LDLRAD3: variants seen among roughly 807,000 people sequenced by gnomAD.
LDLRAD3 encodes the protein low density lipoprotein receptor class A domain containing 3.
In LDLRAD3, 20 loss-of-function variants were observed where a neutral mutation model predicts 29.4. That is an observed-to-expected ratio of 0.68 (90% confidence interval 0.48 to 0.99). The LOEUF (loss-of-function observed/expected upper bound fraction) is 0.99, where lower values mean the gene tolerates loss of function less well. Among genes scored for constraint, LDLRAD3 ranks in the 50% least tolerant of loss-of-function variants. LDLRAD3 has a pLI of 0.00. For missense variants in LDLRAD3, 420 were observed against 454.3 expected, an observed-to-expected ratio of 0.92 and a Z score of 0.69; for synonymous variants, 157 against 192.7, an observed-to-expected ratio of 0.81 and a Z score of 1.53.
chr11:36,122,533 G>C (rs1010263722), intron 4 of LDLRAD3, among the ~76,000 whole-genome samples: 1 of 152,076 alleles, frequency 6.6e-6, no homozygotes, highest in East Asian at 1.9e-4. Context: ...GCAATTATTC[G>C]TTCTGTGGTT....
rs1465522725 is a variant in LDLRAD3, at chr11:35,965,769, G to T, written c.46+21625G>T. On this transcript the variant is annotated intron_variant, in intron 1 of 5. Transcript: ENST00000315571. The stretch of plus-strand genomic sequence containing the variant: ...TCAGAGACACACTATTTTTTTTAAA[G>T]AATAGTGTGAGGGTTTATTCAATTT... Among the ~76,000 whole-genome samples the T allele has an allele frequency of 2.0e-5, 3 of 152,022 alleles. No individual in the cohort carries two copies. In the East Asian group the frequency reaches 5.8e-4, roughly 29 times the overall value.
chr11:36,100,100 G>T (rs1393112210), intron 4 of LDLRAD3, among the ~76,000 whole-genome samples: 1 of 151,984 alleles, frequency 6.6e-6, no homozygotes, highest in East Asian at 1.9e-4. Flanking sequence ...TTCAGGCCCC[G>T]TTCTAGATCA....
chr11:35,987,416 C>T (rs1851628580), intron 1 of LDLRAD3, among the ~76,000 whole-genome samples: 1 of 152,186 alleles, frequency 6.6e-6, no homozygotes, highest in South Asian at 2.1e-4. Flanking sequence ...CTCCCTTCCT[C>T]CTCTGTCTAG....
At chr11:36,048,026 A>G (rs1852476614) in intron 2 of LDLRAD3, among the ~76,000 whole-genome samples, 1 of 126,922 alleles carries the variant, frequency 7.9e-6, no homozygotes, top group African/African-American at 3.2e-5. Flanking sequence ...GCAGGCACTT[A>G]ATACGATACA....
intron 2 of LDLRAD3, among the ~76,000 whole-genome samples, chr11:36,080,161 G>C (rs921374069): frequency 6.6e-5 from 10 of 152,270 alleles, no homozygotes; most frequent in Admixed American, 5.9e-4. Flanking sequence ...CTTCCTTCTT[G>C]GAGGACCATG....
chr11:36,072,021 A>G (rs1181026747), intron 2 of LDLRAD3, among the ~76,000 whole-genome samples: 1 of 152,202 alleles, frequency 6.6e-6, no homozygotes, highest in African/African-American at 2.4e-5. Context: ...ACTTTTTCAC[A>G]GTGAGCTATG....
At chr11:36,045,142 G>C (rs577390879) in intron 2 of LDLRAD3, among the ~76,000 whole-genome samples, 1 of 152,322 alleles carries the variant, frequency 6.6e-6, no homozygotes, top group South Asian at 2.1e-4. Context: ...CAGTTCAGAT[G>C]TTGGAATCAC....
chr11:36,034,029 G>A (rs1357642542), intron 1 of LDLRAD3, among the ~76,000 whole-genome samples: 1 of 152,182 alleles, frequency 6.6e-6, no homozygotes, highest in Admixed American at 6.5e-5. Flanking sequence ...TCTGGGCTAC[G>A]TCTTCCTGCA....
At chr11:35,993,287 A>G (rs971054612) in intron 1 of LDLRAD3, among the ~76,000 whole-genome samples, 3 of 152,214 alleles carry the variant, frequency 2.0e-5, no homozygotes, top group Non-Finnish European at 4.4e-5. Flanking sequence ...ACCTTCACCT[A>G]TAGTGTGAAT....
chr11:36,036,093 T>C lies in LDLRAD3; in HGVS notation c.47-10T>C. ...GCTGTGCCGTCTGACCTGTCCCCTC[T>C]CTCTGACAGAGAGCCAGCTGCTCCC... On this transcript the variant is annotated splice_polypyrimidine_tract_variant and intron_variant, in intron 1 of 5. Transcript: ENST00000315571. The C allele has an allele frequency of 6.2e-7, 1 of 1,613,238 alleles. No homozygotes were observed. Among genetic ancestry groups the C allele is most frequent in the Non-Finnish European group, 8.5e-7 (1 of 1,179,480 alleles).
intron 2 of LDLRAD3, among the ~76,000 whole-genome samples, chr11:36,038,975 T>TTTC (rs1852343266): frequency 1.3e-5 from 1 of 76,628 alleles, no homozygotes; most frequent in Non-Finnish European, 4.0e-5. Context: ...TTCTTTCTTT[T>TTTC]TTTTTTTTTT....
chr11:36,082,317 TAGGCAACA>T (rs887155951), intron 3 of LDLRAD3, among the ~76,000 whole-genome samples: 2 of 152,166 alleles, frequency 1.3e-5, no homozygotes, highest in African/African-American at 4.8e-5. Context: ...AAGACCAGCC[TAGGCAACA>T]AGGTAAAACC....
intron 1 of LDLRAD3, among the ~76,000 whole-genome samples, chr11:35,948,298 G>A (rs1411749039): frequency 1.3e-5 from 2 of 152,116 alleles, no homozygotes; most frequent in Admixed American, 6.5e-5. Flanking sequence ...TGGTTGTTGG[G>A]TTTTCTTGTT....
chr11:35,960,650 G>GCAGT (rs1851264621), intron 1 of LDLRAD3, among the ~76,000 whole-genome samples: 1 of 152,192 alleles, frequency 6.6e-6, no homozygotes, highest in Non-Finnish European at 1.5e-5. Flanking sequence ...AGGCTGGAGT[G>GCAGT]CAGTGGCGCG....
intron 4 of LDLRAD3, among the ~76,000 whole-genome samples, chr11:36,203,328 G>A (rs983328644): frequency 1.3e-5 from 2 of 152,154 alleles, no homozygotes; most frequent in African/African-American, 2.4e-5. Context: ...TGAGATGCAT[G>A]CTCTTATCCT....
chr11:36,064,252 C>A (rs568714619), intron 2 of LDLRAD3, among the ~76,000 whole-genome samples: 1 of 152,142 alleles, frequency 6.6e-6, no homozygotes, highest in South Asian at 2.1e-4. Context: ...TTTGGTGTAT[C>A]CACCTTGTCT....
At chr11:36,097,238 G>T (rs181264967) in intron 3 of LDLRAD3, among the ~76,000 whole-genome samples, 3 of 152,314 alleles carry the variant, frequency 2.0e-5, no homozygotes, top group African/African-American at 7.2e-5. Flanking sequence ...AGAAGAAATC[G>T]AGGCTACTAA....
chr11:36,039,145 A>ATT (rs1219994115), intron 2 of LDLRAD3, among the ~76,000 whole-genome samples: 1 of 151,614 alleles, frequency 6.6e-6, no homozygotes, highest in Non-Finnish European at 1.5e-5. Flanking sequence ...ACTTTTTTGT[A>ATT]TTTTTAGTAG....
intron 1 of LDLRAD3, among the ~76,000 whole-genome samples, chr11:35,962,257 G>A (rs1317920850): frequency 6.6e-6 from 1 of 152,108 alleles, no homozygotes; most frequent in Non-Finnish European, 1.5e-5. Flanking sequence ...CCAAGTTCTA[G>A]GGGTATTCTC....
Sources: gnomAD v4.1 joint callset for allele counts (sites outside exome capture counted in the v4.1 genomes callset) on GRCh38, gnomAD v4.1.1 for gene constraint, MANE v1.5 for transcripts, NCBI Gene and HGNC (gene_info 2026-07-23, HGNC 2026-07-21) for gene names.